Variants in RABGAP1 observed in about 807,000 individuals in gnomAD.
RABGAP1 encodes the protein RAB GTPase activating protein 1, also known as rab GTPase-activating protein 1.
In RABGAP1, 23 loss-of-function variants were observed where a neutral mutation model predicts 137.6. The observed-to-expected ratio is 0.17, with a 90% CI of 0.12 to 0.24. RABGAP1 has a LOEUF of 0.24. RABGAP1 is among the 10% of genes least tolerant of loss of function. RABGAP1 has a pLI of 1.00. For synonymous variants in RABGAP1, 451 were observed against 450.7 expected (o/e 1.00, Z -0.01); for missense variants, 906 against 1,275.8 (o/e 0.71, Z 4.42).
intron 13 of RABGAP1, among the ~76,000 whole-genome samples, chr9:123,031,560 C>A (rs1028615761): frequency 6.6e-6 from 1 of 152,052 alleles, no homozygotes; most frequent in Admixed American, 6.6e-5. Flanking sequence ...TGGTAATCAT[C>A]TTCTATGGTA....
chr9:122,944,296 C>G (rs943043770), intron 1 of RABGAP1, among the ~76,000 whole-genome samples: 4 of 149,534 alleles, frequency 2.7e-5, no homozygotes, highest in Admixed American at 1.3e-4. Context: ...GTAGTGCTGT[C>G]GTAGCTCACC....
intron 12 of RABGAP1, 27 bp from the exon 13 acceptor site, chr9:123,020,282 A>C: frequency 6.9e-7 from 1 of 1,455,900 alleles, no homozygotes; most frequent in Non-Finnish European, 9.2e-7. Flanking sequence ...TCCTTTTATG[A>C]TTTATGGTTT....
intron 21 of RABGAP1, among the ~76,000 whole-genome samples, chr9:123,095,944 C>A (rs1285444087): frequency 6.6e-6 from 1 of 151,886 alleles, no homozygotes; most frequent in Non-Finnish European, 1.5e-5. Flanking sequence ...GATTTTAATC[C>A]TTTTAGAATA....
At chr9:122,958,099 C>G (rs1376677039) in intron 2 of RABGAP1, among the ~76,000 whole-genome samples, 1 of 152,148 alleles carries the variant, frequency 6.6e-6, no homozygotes, top group Non-Finnish European at 1.5e-5. Context: ...CAGTGCTTCC[C>G]CCCACCCCCA....
chr9:123,074,157 CTT>C (rs1465293207), intron 16 of RABGAP1, 126 bp from the exon 17 acceptor site: 5 of 1,132,980 alleles, frequency 4.4e-6, no homozygotes, highest in Non-Finnish European at 6.3e-6. Context: ...GTTCTAAGCA[CTT>C]TGGAGATTTT....
At chr9:122,948,941 C>T (rs1360876341) in intron 1 of RABGAP1, among the ~76,000 whole-genome samples, 1 of 152,188 alleles carries the variant, frequency 6.6e-6, no homozygotes, top group Non-Finnish European at 1.5e-5. Context: ...AATGAAATTA[C>T]TACGAGTAAA....
intron 2 of RABGAP1, among the ~76,000 whole-genome samples, chr9:122,975,292 G>A (rs943728474): frequency 6.6e-6 from 1 of 152,152 alleles, no homozygotes; most frequent in African/African-American, 2.4e-5. Flanking sequence ...TGTATAACTG[G>A]CAAATCAAGT....
rs149485381 is a variant in RABGAP1, at chr9:123,090,146, C to T, written c.2518-129C>T. 39 of 696,356 alleles carry T rather than the reference C, an allele frequency of 5.6e-5. No homozygotes were observed. The East Asian group carries it at 9.5e-4, about 17-fold the overall frequency. The allele number at this position is 696,356 out of a possible 1,614,324, so 43.1% of individuals were successfully genotyped here. ...ATAAGAAATTGTTGATTTGGAAACA[C>T]ATCAGGTCCAGCCATTTCTCTTATT... On this transcript the variant is annotated intron_variant, in intron 20 of 25. Coordinates refer to ENST00000373647, the MANE Select transcript of RABGAP1 (RefSeq NM_012197.4).
At chr9:122,985,862 A>G (rs1836344917) in intron 3 of RABGAP1, among the ~76,000 whole-genome samples, 1 of 152,216 alleles carries the variant, frequency 6.6e-6, no homozygotes, top group East Asian at 1.9e-4. Flanking sequence ...GAATATGCAT[A>G]TAATTACCTG....
chr9:123,101,826 C>G, intron 25 of RABGAP1, 63 bp downstream of exon 25: 2 of 1,451,102 alleles, frequency 1.4e-6, no homozygotes, highest in Non-Finnish European at 1.8e-6. Context: ...CACTAGAGAC[C>G]CCAGAAATTA....
At chr9:123,089,181 CAG>C (rs1323886157) in intron 19 of RABGAP1, among the ~76,000 whole-genome samples, 1 of 152,078 alleles carries the variant, frequency 6.6e-6, no homozygotes, top group Non-Finnish European at 1.5e-5. Flanking sequence ...GAAAGCAGCA[CAG>C]AAGAAGGTAG....
intron 14 of RABGAP1, among the ~76,000 whole-genome samples, chr9:123,068,615 A>T (rs1262236397): frequency 2.0e-5 from 3 of 152,086 alleles, no homozygotes; most frequent in Admixed American, 6.6e-5. Context: ...TAAACTGATC[A>T]TTTCTAAAGC....
chr9:123,092,643 A>G (rs1043015602), intron 21 of RABGAP1, among the ~76,000 whole-genome samples: 4 of 151,982 alleles, frequency 2.6e-5, no homozygotes, highest in South Asian at 4.2e-4. Flanking sequence ...TATCAAAAAC[A>G]TGAGGACCAG....
chr9:123,013,421 T>A (rs1337566207), intron 11 of RABGAP1, among the ~76,000 whole-genome samples: 1 of 151,806 alleles, frequency 6.6e-6, no homozygotes, highest in East Asian at 1.9e-4. Context: ...ACCCTCCGCC[T>A]CCTGGGTTCA....
intron 13 of RABGAP1, among the ~76,000 whole-genome samples, chr9:123,044,768 C>A (rs747108283): frequency 3.9e-5 from 6 of 151,960 alleles, no homozygotes; most frequent in Non-Finnish European, 5.9e-5. Context: ...CAAGGAGGTG[C>A]CTGTTAAATA....
chr9:122,979,949 T>G (rs1835961025), intron 2 of RABGAP1, among the ~76,000 whole-genome samples: 2 of 152,258 alleles, frequency 1.3e-5, no homozygotes, highest in Non-Finnish European at 2.9e-5. Flanking sequence ...AGTGGGTTTA[T>G]TTTTCTGCTA....
chr9:123,000,018 T>A (rs1054046403), intron 10 of RABGAP1, among the ~76,000 whole-genome samples: 5 of 152,114 alleles, frequency 3.3e-5, no homozygotes, highest in Non-Finnish European at 7.4e-5. Context: ...GGGTTTTTTT[T>A]AATCTCTGTT....
Position 122,986,402 on chromosome 9 carries a change from G to T in RABGAP1, c.573G>T (p.Val191=), listed in dbSNP as rs1279093480. The T allele has an allele frequency of 5.0e-6, 8 of 1,613,946 alleles. No individual in the cohort carries two copies. The African/African-American group carries it at 9.3e-5, about 19-fold the overall frequency. ...ATGTTACCCTTTCAGTGCCGAATGTGTCTGAAGGAATTGTGAGGTGAGACT... is the reference window on the plus strand; with the variant it reads ...ATGTTACCCTTTCAGTGCCGAATGTTTCTGAAGGAATTGTGAGGTGAGACT... ...SLDVTLSVPN[V]SEGIVRLLDP... Residue 191 remains valine (V), a synonymous_variant, in exon 4 of 26, where the codon GTG becomes GTT. Transcript: ENST00000373647.
chr9:123,001,929 A>C (rs547440103), intron 10 of RABGAP1, among the ~76,000 whole-genome samples: 127 of 152,352 alleles, frequency 8.3e-4, no homozygotes, highest in African/African-American at 2.9e-3. Context: ...TTGATTATTT[A>C]GATGGAGGGT....
Sources: gnomAD v4.1 joint callset for allele counts (sites outside exome capture counted in the v4.1 genomes callset) on GRCh38, gnomAD v4.1.1 for gene constraint, MANE v1.5 for transcripts, NCBI Gene and HGNC (gene_info 2026-07-23, HGNC 2026-07-21) for gene names.